The following COLEC12 variants were observed in gnomAD, a reference collection of about 807,000 sequenced individuals.
The protein encoded by COLEC12 is collectin-12.
COLEC12 carries 33 observed loss-of-function variants against 71.1 expected under a neutral mutation model. That is an observed-to-expected ratio of 0.46 (90% CI 0.35 to 0.62). The LOEUF (loss-of-function observed/expected upper bound fraction) is 0.62. COLEC12 is among the 20% of genes least tolerant of loss of function. COLEC12 has a pLI of 0.00. For missense variants in COLEC12, 765 were observed against 916.1 expected (o/e 0.84, Z 2.13); for synonymous variants, 350 against 353.0 (o/e 0.99, Z 0.10).
chr18:429,537 A>G lies in COLEC12; in HGVS notation c.58+51170T>C, dbSNP rs181068324. On this transcript the variant is annotated intron_variant, in intron 2 of 9. Coordinates refer to ENST00000400256, the MANE Select transcript of COLEC12 (RefSeq NM_130386.3). ...ACTGGGATTACAGGTGCCTGCCACC[A>G]TGCCCGGCTAATTTTTGTATTTTTA... 3.7e-3 allele frequency among the ~76,000 whole-genome samples: 561 copies of G among 152,198 alleles called. 2 individuals carry two copies. The highest frequency in any genetic ancestry group is 0.012 in the African/African-American group (518 of 41,514).
intron 2 of COLEC12, among the ~76,000 whole-genome samples, chr18:474,825 C>T (rs564226418): frequency 2.0e-5 from 3 of 152,276 alleles, no homozygotes; most frequent in Admixed American, 6.5e-5. Context: ...GTAATCCCTG[C>T]AGTTTTGGAG....
At chr18:473,252 A>G (rs1285452889) in intron 2 of COLEC12, among the ~76,000 whole-genome samples, 1 of 152,178 alleles carries the variant, frequency 6.6e-6, no homozygotes, top group Admixed American at 6.5e-5. Flanking sequence ...AGAGAGAAAA[A>G]GAATCACTCC....
At chr18:446,383 TATG>T (rs1330078797) in intron 2 of COLEC12, among the ~76,000 whole-genome samples, 18 of 152,046 alleles carry the variant, frequency 1.2e-4, no homozygotes, top group Admixed American at 3.3e-4. Flanking sequence ...GCCAGATTGT[TATG>T]ATATTTAACT....
Position 362,768 on chromosome 18 carries a change from T to C in COLEC12, c.59-5246A>G, listed in dbSNP as rs1253770308. Among the ~76,000 whole-genome samples the C allele has an allele frequency of 6.6e-6, 1 of 152,138 alleles. No homozygotes were observed. The highest frequency in any genetic ancestry group is 1.5e-5 in the Non-Finnish European group (1 of 68,030). On this transcript the variant is annotated intron_variant, in intron 2 of 9. Transcript: ENST00000400256. The surrounding 1 kb of genome is among the most constrained non-coding windows in gnomAD (Gnocchi z 4.6). The stretch of plus-strand genomic sequence containing the variant: ...CTACAGGCAGCAAGGACCTGAAGGG[T>C]GCATGCCTTTCCGCTGCTTTTCCCT...
rs369554332 is a variant in COLEC12, at chr18:443,426, C to T, written c.58+37281G>A. Among the ~76,000 whole-genome samples, 16 of 152,244 alleles carry T rather than the reference C, an allele frequency of 1.1e-4. No homozygotes were observed. The South Asian group carries it at 3.1e-3, about 30-fold the overall frequency. ...ATGTCTTTTGGTTAGTAAAGTGAAA[C>T]GACTTTAACTTTTTGTTTAAGTATC... On this transcript the variant is annotated intron_variant, in intron 2 of 9. Coordinates refer to ENST00000400256, the MANE Select transcript of COLEC12 (RefSeq NM_130386.3).
At chr18:349,055 T>C (rs1038481084) in intron 3 of COLEC12, among the ~76,000 whole-genome samples, 2 of 152,340 alleles carry the variant, frequency 1.3e-5, no homozygotes, top group Admixed American at 1.3e-4. Flanking sequence ...TTTTGCATCT[T>C]TCTAATTTTC....
intron 5 of COLEC12, among the ~76,000 whole-genome samples, chr18:336,516 A>G (rs1222892441): frequency 2.0e-5 from 3 of 152,152 alleles, no homozygotes; most frequent in African/African-American, 4.8e-5. Flanking sequence ...TCACACAAAT[A>G]ATCTCCTACC....
At chr18:440,522 C>T (rs1281191274) in intron 2 of COLEC12, among the ~76,000 whole-genome samples, 1 of 152,038 alleles carries the variant, frequency 6.6e-6, no homozygotes, top group Non-Finnish European at 1.5e-5. Flanking sequence ...GTGAATTATA[C>T]CTCAACAAAG....
chr18:483,536 G>T (rs1182075364), intron 1 of COLEC12, among the ~76,000 whole-genome samples: 1 of 152,106 alleles, frequency 6.6e-6, no homozygotes, highest in South Asian at 2.1e-4. Context: ...AATCTAGAAG[G>T]CCAGGTATTT....
chr18:481,712 A>C (rs1208621914), intron 1 of COLEC12, among the ~76,000 whole-genome samples: 2 of 152,134 alleles, frequency 1.3e-5, no homozygotes, highest in East Asian at 3.9e-4. Flanking sequence ...CTCCAAAAAA[A>C]AAAGAGAGGG....
chr18:370,666 C>T (rs1436428363), intron 2 of COLEC12, among the ~76,000 whole-genome samples: 1 of 152,140 alleles, frequency 6.6e-6, no homozygotes, highest in Non-Finnish European at 1.5e-5. Flanking sequence ...GAGACCCTTC[C>T]ATTAAGAAGA....
At chr18:427,425 G>A (rs1916219005) in intron 2 of COLEC12, among the ~76,000 whole-genome samples, 3 of 152,164 alleles carry the variant, frequency 2.0e-5, no homozygotes, top group African/African-American at 7.2e-5. Context: ...GAAGCATTTA[G>A]AATCTGAGGT....
chr18:452,338 C>T (rs35257588), intron 2 of COLEC12, among the ~76,000 whole-genome samples: 17,616 of 152,210 alleles, frequency 0.12, 1,390 homozygotes, highest in East Asian at 0.37. Flanking sequence ...AGTTTCCTCA[C>T]TGATAAAATG....
intron 2 of COLEC12, among the ~76,000 whole-genome samples, chr18:406,084 T>C (rs1388027639): frequency 6.6e-6 from 1 of 152,054 alleles, no homozygotes; most frequent in Non-Finnish European, 1.5e-5. Flanking sequence ...TCCTCACTGC[T>C]ACACTCCCAC....
intron 2 of COLEC12, among the ~76,000 whole-genome samples, chr18:472,533 A>T (rs1567918520): frequency 1.3e-5 from 2 of 152,050 alleles, no homozygotes; most frequent in African/African-American, 2.4e-5. Context: ...AAATTTTTTT[A>T]AAAATTGGCC....
intron 2 of COLEC12, among the ~76,000 whole-genome samples, chr18:402,197 G>A (rs931742630): frequency 1.3e-5 from 2 of 152,234 alleles, no homozygotes; most frequent in South Asian, 2.1e-4. Context: ...AGACTCAGGA[G>A]CACTGGTTAC....
At chr18:349,410 T>C (rs1020765625) in intron 3 of COLEC12, among the ~76,000 whole-genome samples, 4 of 152,212 alleles carry the variant, frequency 2.6e-5, no homozygotes, top group Non-Finnish European at 5.9e-5. Flanking sequence ...AGAGGATGTA[T>C]GGGAACTCTT....
chr18:388,884 A>G (rs1216721837), intron 2 of COLEC12, among the ~76,000 whole-genome samples: 2 of 151,840 alleles, frequency 1.3e-5, no homozygotes, highest in African/African-American at 4.8e-5. Flanking sequence ...CTTCTCTGGA[A>G]CCCTCTCTCC....
chr18:363,145 T>C (rs1463675406), intron 2 of COLEC12, among the ~76,000 whole-genome samples: 2 of 152,158 alleles, frequency 1.3e-5, no homozygotes, highest in East Asian at 1.9e-4. Flanking sequence ...GCAAAGAGAA[T>C]TCCTTTCTGC....
Sources: allele counts gnomAD v4.1 joint callset (sites outside exome capture counted in the v4.1 genomes callset), GRCh38; gene constraint gnomAD v4.1.1; non-coding constraint Gnocchi (gnomAD v3.1); transcripts MANE v1.5; gene names NCBI Gene and HGNC (gene_info 2026-07-23, HGNC 2026-07-21).